SLC9C2: variants seen among roughly 807,000 people sequenced by gnomAD.
SLC9C2 encodes solute carrier family 9 member C2 (putative).
In SLC9C2, 75 loss-of-function variants were observed where a neutral mutation model predicts 140.2. The ratio of observed to expected loss-of-function variants is 0.53; its 90% confidence interval spans 0.44 to 0.65. The LOEUF (loss-of-function observed/expected upper bound fraction) is 0.65. Ranked by LOEUF, SLC9C2 falls within the 30% of genes least tolerant of loss-of-function variation. The pLI is 0.00. For missense variants in SLC9C2, 1,074 were observed against 1,331.8 expected (o/e 0.81, Z 3.01); for synonymous variants, 375 against 420.9 (o/e 0.89, Z 1.34).
Position 173,547,737 on chromosome 1 carries a change from A to C in SLC9C2, c.1509T>G (p.Asp503Glu). ...HNDMKTESTT[D>E]EALMEEARLH... The stretch of plus-strand genomic sequence containing the variant: ...ATCTGGCTTCCTCCATTAAAGCTTC[A>C]TCTGTTGTGGATTCTGTCTTCATAT... The change falls in exon 13 of 28, where the codon GAT (aspartate) becomes GAG (glutamate). Residue 503 changes from aspartate to glutamate, a missense_variant. By Grantham distance (45) the Asp-to-Glu change is conservative. Transcript: ENST00000367714. The C allele has an allele frequency of 6.2e-7, 1 of 1,612,484 alleles. No homozygotes were observed. Among genetic ancestry groups the C allele is most frequent in the Non-Finnish European group, 8.5e-7 (1 of 1,178,836 alleles).
At chr1:173,587,549 A>G in intron 5 of SLC9C2, 116 bp downstream of exon 5, 3 of 1,042,218 alleles carry the variant, frequency 2.9e-6, no homozygotes, top group South Asian at 1.9e-5. Flanking sequence ...AGGTGAAAAA[A>G]AAAGCACAGA....
intron 13 of SLC9C2, among the ~76,000 whole-genome samples, chr1:173,542,973 A>G (rs1662553499): frequency 6.6e-6 from 1 of 151,980 alleles, no homozygotes; most frequent in Admixed American, 6.6e-5. Context: ...CTCTCTCACC[A>G]CTCCTATTCA....
chr1:173,595,672 A>G (rs1390958529), intron 4 of SLC9C2, among the ~76,000 whole-genome samples: 2 of 152,224 alleles, frequency 1.3e-5, no homozygotes, highest in Non-Finnish European at 2.9e-5. Context: ...AAAGGGGATA[A>G]AGAAAACTGA....
At chr1:173,588,954 T>C (rs1666007162) in intron 4 of SLC9C2, among the ~76,000 whole-genome samples, 1 of 152,062 alleles carries the variant, frequency 6.6e-6, no homozygotes. Flanking sequence ...GGTGCACACC[T>C]GTAGTACCAG....
intron 7 of SLC9C2, 53 bp downstream of exon 7, chr1:173,581,793 CA>C (rs2102217096): frequency 3.6e-6 from 5 of 1,374,352 alleles, no homozygotes; most frequent in South Asian, 1.9e-5. Context: ...AAAAAATAAA[CA>C]TGTATAAAAC....
At chr1:173,583,890 C>T (rs1665700376) in intron 5 of SLC9C2, among the ~76,000 whole-genome samples, 2 of 152,134 alleles carry the variant, frequency 1.3e-5, no homozygotes, top group African/African-American at 4.8e-5. Context: ...CAGAATGAGA[C>T]AAATACTTCT....
chr1:173,518,254 T>G (rs12034341), intron 22 of SLC9C2, among the ~76,000 whole-genome samples: 29,936 of 142,172 alleles, frequency 0.21, 4,189 homozygotes, highest in East Asian at 0.66. Context: ...AAAGTGAGAC[T>G]CCATCTCAAA....
chr1:173,511,938 G>A (rs1350100847), intron 23 of SLC9C2, among the ~76,000 whole-genome samples: 7 of 152,100 alleles, frequency 4.6e-5, no homozygotes, highest in Admixed American at 4.6e-4. Flanking sequence ...TTTTTATCAG[G>A]TTTGTCGAAG....
rs540514544 is a variant in SLC9C2 at position 173,506,512 on chromosome 1, T to A, written c.3225+344A>T. Among the ~76,000 whole-genome samples the A allele has an allele frequency of 3.3e-4, 51 of 152,344 alleles. No homozygotes were observed. In the East Asian group the frequency reaches 4.6e-3, roughly 14 times the overall value. Reference sequence around the variant, plus strand: ...CTTTTTTGTCAACCAGTGCAGATACTTCCAGAGCTATGCTAGAACACGGCA... The same window carrying A: ...CTTTTTTGTCAACCAGTGCAGATACATCCAGAGCTATGCTAGAACACGGCA... On this transcript the variant is annotated intron_variant, in intron 25 of 27. Coordinates refer to ENST00000367714, the MANE Select transcript of SLC9C2 (RefSeq NM_178527.4).
chr1:173,531,536 C>G (rs1241596023), intron 17 of SLC9C2, among the ~76,000 whole-genome samples: 1 of 152,194 alleles, frequency 6.6e-6, no homozygotes, highest in Non-Finnish European at 1.5e-5. Flanking sequence ...GCACAAAGCC[C>G]TTTTCAACAG....
chr1:173,599,893 C>A (rs938705387), intron 3 of SLC9C2, among the ~76,000 whole-genome samples: 1 of 152,084 alleles, frequency 6.6e-6, no homozygotes, highest in African/African-American at 2.4e-5. Context: ...CGTCAGCCAC[C>A]GCACCTGGCC....
At chr1:173,601,993 C>T (rs1666813286) in intron 1 of SLC9C2, 138 bp from the exon 2 acceptor site, 1 of 520,662 alleles carries the variant, frequency 1.9e-6, no homozygotes, top group African/African-American at 1.9e-5. Context: ...TCTTGTCCTA[C>T]CCCTTGCTCC....
intron 13 of SLC9C2, among the ~76,000 whole-genome samples, chr1:173,540,363 G>T (rs952876343): frequency 2.0e-5 from 3 of 152,338 alleles, no homozygotes; most frequent in Non-Finnish European, 1.5e-5. Flanking sequence ...ATAAATCATT[G>T]CTTTAAGCCA....
chr1:173,508,308 CTATT>C (rs1487384506), intron 24 of SLC9C2, among the ~76,000 whole-genome samples: 1 of 148,470 alleles, frequency 6.7e-6, no homozygotes, highest in Non-Finnish European at 1.5e-5. Flanking sequence ...TAGAGATTCT[CTATT>C]TAATAATAAA....
intron 7 of SLC9C2, among the ~76,000 whole-genome samples, chr1:173,579,833 C>A (rs1665410272): frequency 6.6e-6 from 1 of 152,138 alleles, no homozygotes; most frequent in Admixed American, 6.6e-5. Flanking sequence ...AGTTGTATGT[C>A]AGAAATGGGA....
intron 13 of SLC9C2, among the ~76,000 whole-genome samples, chr1:173,542,554 A>C (rs1219988067): frequency 6.6e-6 from 1 of 152,122 alleles, no homozygotes; most frequent in African/African-American, 2.4e-5. Flanking sequence ...GAGACACAAC[A>C]AAAAAAGAGA....
intron 22 of SLC9C2, among the ~76,000 whole-genome samples, chr1:173,519,375 G>A (rs771345063): frequency 2.4e-4 from 37 of 152,136 alleles, no homozygotes; most frequent in Non-Finnish European, 4.4e-4. Context: ...TGTGCCCTTA[G>A]AGCTTCCAGA....
intron 2 of SLC9C2, among the ~76,000 whole-genome samples, chr1:173,601,063 G>A (rs1571652143): frequency 6.6e-6 from 1 of 152,286 alleles, no homozygotes; most frequent in South Asian, 2.1e-4. Flanking sequence ...CATTGTTTAA[G>A]AGGTCCTTAT....
chr1:173,504,552 T>C (rs1272416382), intron 26 of SLC9C2, among the ~76,000 whole-genome samples: 1 of 152,122 alleles, frequency 6.6e-6, no homozygotes, highest in Non-Finnish European at 1.5e-5. Flanking sequence ...AACACTGGGA[T>C]GGTGCAAGTT....
Sources: gnomAD v4.1 joint callset for allele counts (sites outside exome capture counted in the v4.1 genomes callset) on GRCh38, gnomAD v4.1.1 for gene constraint, MANE v1.5 for transcripts, NCBI Gene and HGNC (gene_info 2026-07-23, HGNC 2026-07-21) for gene names.